JAZF1: variants seen among roughly 807,000 people sequenced by gnomAD.
JAZF1 encodes JAZF zinc finger 1, also known as juxtaposed with another zinc finger protein 1.
In JAZF1, 8 loss-of-function variants were observed where a neutral mutation model predicts 26.4. The ratio of observed to expected loss-of-function variants is 0.30; its 90% CI spans 0.18 to 0.55. JAZF1 has a LOEUF of 0.55. Among genes scored for constraint, JAZF1 ranks in the 20% least tolerant of loss-of-function variants. JAZF1 has a pLI of 0.94. For synonymous variants in JAZF1, 126 were observed against 122.3 expected, an observed-to-expected ratio of 1.03 and a Z score of -0.20; for missense variants, 199 against 322.0, an observed-to-expected ratio of 0.62 and a Z score of 2.92.
At chr7:28,037,493 G>A (rs1337122985) in intron 1 of JAZF1, among the ~76,000 whole-genome samples, 3 of 152,194 alleles carry the variant, frequency 2.0e-5, no homozygotes, top group Non-Finnish European at 4.4e-5. Context: ...AGATAAAAGT[G>A]GAAGAGGTGA....
intron 3 of JAZF1, among the ~76,000 whole-genome samples, chr7:27,882,808 G>A (rs1478831935): frequency 3.3e-5 from 5 of 152,166 alleles, no homozygotes; most frequent in Non-Finnish European, 5.9e-5. Context: ...ATTTTAATAT[G>A]CCGTGTTTTA....
At chr7:27,935,391 A>G (rs959490471) in intron 2 of JAZF1, among the ~76,000 whole-genome samples, 3 of 152,268 alleles carry the variant, frequency 2.0e-5, no homozygotes, top group African/African-American at 7.2e-5. Context: ...AAGTACTGAC[A>G]TATGTGATAA....
At chr7:27,877,276 A>C (rs2128338949) in intron 3 of JAZF1, among the ~76,000 whole-genome samples, 1 of 152,366 alleles carries the variant, frequency 6.6e-6, no homozygotes, top group South Asian at 2.1e-4. Context: ...GCCTTCTCTG[A>C]GAAATATGGA....
chr7:27,948,081 A>T (rs10215322), intron 2 of JAZF1, among the ~76,000 whole-genome samples: 3,362 of 152,232 alleles, frequency 0.022, 113 homozygotes, highest in African/African-American at 0.069. Flanking sequence ...ATACCAGGCC[A>T]CTGGACGGTG....
chr7:28,082,259 G>A (rs2127916784), intron 1 of JAZF1, among the ~76,000 whole-genome samples: 1 of 152,194 alleles, frequency 6.6e-6, no homozygotes, highest in East Asian at 1.9e-4. Context: ...GCGTGGGGAG[G>A]CGAGGATGTC....
At chr7:27,924,234 T>C (rs1583465534) in intron 2 of JAZF1, among the ~76,000 whole-genome samples, 1 of 152,190 alleles carries the variant, frequency 6.6e-6, no homozygotes, top group African/African-American at 2.4e-5. Context: ...CCCGCCACCA[T>C]GCCCGGCTGA....
chr7:28,087,367 C>T (rs1215110771), intron 1 of JAZF1, among the ~76,000 whole-genome samples: 2 of 151,644 alleles, frequency 1.3e-5, no homozygotes, highest in African/African-American at 4.9e-5. Flanking sequence ...GCAAAATAGA[C>T]GTGACTGCCT....
intron 1 of JAZF1, among the ~76,000 whole-genome samples, chr7:28,107,420 T>C (rs73683980): frequency 0.013 from 1,925 of 152,318 alleles, 31 homozygotes; most frequent in African/African-American, 0.044. Flanking sequence ...GCGCTGAGAA[T>C]GTTCTCAGTA....
intron 1 of JAZF1, among the ~76,000 whole-genome samples, chr7:28,112,793 C>T (rs1003825184): frequency 5.3e-5 from 8 of 152,154 alleles, no homozygotes; most frequent in Non-Finnish European, 1.0e-4. Flanking sequence ...ACCGTACAGA[C>T]CTCGAGTGCT....
At chr7:28,131,714 T>C (rs1782796656) in intron 1 of JAZF1, among the ~76,000 whole-genome samples, 1 of 152,198 alleles carries the variant, frequency 6.6e-6, no homozygotes, top group Non-Finnish European at 1.5e-5. Flanking sequence ...TCCTACAATT[T>C]GCATAGAGTT....
chr7:27,929,585 A>C (rs774005310), intron 2 of JAZF1, among the ~76,000 whole-genome samples: 1 of 152,236 alleles, frequency 6.6e-6, no homozygotes, highest in African/African-American at 2.4e-5. Flanking sequence ...GAGTACATAC[A>C]GTACCTAAGA....
chr7:27,992,024 C>T, intron 1 of JAZF1, 43 bp from the exon 2 acceptor site: 1 of 1,184,892 alleles, frequency 8.4e-7, no homozygotes, highest in East Asian at 2.3e-5. Flanking sequence ...GATTTTGCAT[C>T]AGAATATATG....
intron 3 of JAZF1, among the ~76,000 whole-genome samples, chr7:27,873,353 T>A (rs1253724555): frequency 6.6e-6 from 1 of 152,238 alleles, no homozygotes; most frequent in Non-Finnish European, 1.5e-5. Flanking sequence ...GTTACTTTGC[T>A]TATTAAAAGT....
intron 2 of JAZF1, among the ~76,000 whole-genome samples, chr7:27,945,541 C>T (rs1180926303): frequency 6.6e-6 from 1 of 152,202 alleles, no homozygotes; most frequent in African/African-American, 2.4e-5. Context: ...TCAAGTTACA[C>T]CTGTCCGTTT....
intron 2 of JAZF1, among the ~76,000 whole-genome samples, chr7:27,977,114 T>G (rs561817467): frequency 6.6e-6 from 1 of 152,328 alleles, no homozygotes; most frequent in Admixed American, 6.5e-5. Context: ...TCAGGAAAGA[T>G]CTCTATTGAC....
At chr7:28,127,135 CATACT>C in intron 1 of JAZF1, among the ~76,000 whole-genome samples, 2 of 152,348 alleles carry the variant, frequency 1.3e-5, no homozygotes. Flanking sequence ...CTGACAGCTG[CATACT>C]AGGCGAAGGA....
intron 2 of JAZF1, among the ~76,000 whole-genome samples, chr7:27,916,199 C>G (rs1413561638): frequency 6.6e-6 from 1 of 151,696 alleles, no homozygotes; most frequent in Non-Finnish European, 1.5e-5. Flanking sequence ...TTAGTTACAC[C>G]TAAAGGATTA....
intron 1 of JAZF1, among the ~76,000 whole-genome samples, chr7:27,998,401 A>G (rs759236897): frequency 1.3e-5 from 2 of 152,216 alleles, no homozygotes; most frequent in African/African-American, 2.4e-5. Flanking sequence ...ATTTACAAAG[A>G]CCAACTTTTA....
At chr7:28,047,524 T>C (rs1364262050) in intron 1 of JAZF1, among the ~76,000 whole-genome samples, 2 of 152,162 alleles carry the variant, frequency 1.3e-5, no homozygotes, top group African/African-American at 4.8e-5. Flanking sequence ...GTTTATCTCA[T>C]AGACGTTTTT....
Sources: allele counts gnomAD v4.1 joint callset (sites outside exome capture counted in the v4.1 genomes callset), GRCh38; gene constraint gnomAD v4.1.1; transcripts MANE v1.5; gene names NCBI Gene and HGNC (gene_info 2026-07-23, HGNC 2026-07-21).